TTC28: variants seen among roughly 807,000 people sequenced by gnomAD.
The protein encoded by TTC28 is tetratricopeptide repeat protein 28.
A neutral mutation model predicts 198.0 loss-of-function variants in TTC28; 61 were observed. The ratio of observed to expected loss-of-function variants is 0.31; its 90% CI spans 0.25 to 0.38. The LOEUF is 0.38. Ranked by LOEUF, TTC28 falls within the 10% of genes least tolerant of loss-of-function variation. The probability of loss-of-function intolerance (pLI) is 1.00; values close to 1 mark genes in which losing one functional copy is unlikely to be tolerated. For synonymous variants in TTC28, 1,171 were observed against 1,297.8 expected (o/e 0.90, Z 2.10); for missense variants, 2,678 against 3,164.0 (o/e 0.85, Z 3.69).
At chr22:28,345,223 T>A (rs2045886778) in intron 2 of TTC28, among the ~76,000 whole-genome samples, 2 of 152,096 alleles carry the variant, frequency 1.3e-5, no homozygotes, top group Admixed American at 1.3e-4. Context: ...CAGCCGCAAA[T>A]ATTTGGAACC....
At position 28,274,935 on chromosome 22, in the gene TTC28, C is replaced by T. The variant is rs149679557; in HGVS notation, c.933+21263G>A. On this transcript the variant is annotated intron_variant, in intron 5 of 22. Coordinates refer to ENST00000397906, the MANE Select transcript of TTC28 (RefSeq NM_001145418.2). Reference sequence around the variant, plus strand: ...TGGAGGTTGCAGTGAGCTGAGATCGCGCCACTGCACTCCAGCCTGGGCAAC... The same window carrying T: ...TGGAGGTTGCAGTGAGCTGAGATCGTGCCACTGCACTCCAGCCTGGGCAAC... 1.1e-3 allele frequency among the ~76,000 whole-genome samples: 154 copies of T among 144,406 alleles called. 2 individuals carry two copies. Among genetic ancestry groups the T allele is most frequent in the African/African-American group, 3.7e-3 (143 of 38,582 alleles). The allele number at this position is 144,406 out of a possible 152,430, so 94.7% of individuals were successfully genotyped here.
intron 13 of TTC28, among the ~76,000 whole-genome samples, chr22:28,021,433 C>T (rs1601525630): frequency 6.6e-6 from 1 of 152,214 alleles, no homozygotes; most frequent in Non-Finnish European, 1.5e-5. Context: ...CATGAAGGGG[C>T]GACCTGAGGG....
chr22:28,597,263 T>C (rs933159510), intron 2 of TTC28, among the ~76,000 whole-genome samples: 1 of 152,228 alleles, frequency 6.6e-6, no homozygotes, highest in Non-Finnish European at 1.5e-5. Flanking sequence ...ATATTAACAT[T>C]GTTTTGCAAC....
intron 5 of TTC28, among the ~76,000 whole-genome samples, chr22:28,181,879 C>A (rs181420674): frequency 6.6e-6 from 1 of 152,212 alleles, no homozygotes; most frequent in East Asian, 1.9e-4. Context: ...CAAAAACAAA[C>A]AAACAAACAA....
At chr22:28,282,818 T>C (rs1447010786) in intron 5 of TTC28, among the ~76,000 whole-genome samples, 1 of 152,140 alleles carries the variant, frequency 6.6e-6, no homozygotes, top group Non-Finnish European at 1.5e-5. Context: ...GATGGAGTGA[T>C]GATAAAGTAG....
intron 5 of TTC28, among the ~76,000 whole-genome samples, chr22:28,204,243 G>A (rs1301813404): frequency 6.6e-6 from 1 of 152,038 alleles, no homozygotes; most frequent in Non-Finnish European, 1.5e-5. Context: ...ACTTAGAACT[G>A]AACTCAACAA....
At chr22:28,405,634 C>G (rs1469405174) in intron 2 of TTC28, among the ~76,000 whole-genome samples, 2 of 152,192 alleles carry the variant, frequency 1.3e-5, no homozygotes, top group African/African-American at 4.8e-5. Flanking sequence ...CTGTGAATTT[C>G]TCTGGGAAGC....
chr22:28,150,052 A>G (rs1943571175), intron 6 of TTC28, among the ~76,000 whole-genome samples: 1 of 152,240 alleles, frequency 6.6e-6, no homozygotes, highest in Non-Finnish European at 1.5e-5. Context: ...AAAAGAAAAA[A>G]GAAAGGCATA....
chr22:28,428,066 A>G (rs1455842467), intron 2 of TTC28, among the ~76,000 whole-genome samples: 1 of 152,114 alleles, frequency 6.6e-6, no homozygotes, highest in Admixed American at 6.5e-5. Context: ...ATATAGGTAT[A>G]ATACTCAAAA....
In TTC28 at chr22:28,101,192, G is replaced by A. The variant is rs1569138958; in HGVS notation, c.3396C>T (p.Asn1132=). ...GLGLSLWASG[N]LEEAQHQLYR... is the part of the protein sequence containing the mutation. ...TTACCTGGTGTTGGGCCTCCTCCAA[G>A]TTTCCACTAGCCCAAAGGGAGAGGC... Residue 1132 remains asparagine, a synonymous_variant, in exon 9 of 23, where the codon AAC becomes AAT. Transcript: ENST00000397906. The A allele has an allele frequency of 6.4e-7, 1 of 1,551,338 alleles. No individual in the cohort carries two copies.
At chr22:28,256,242 C>A (rs1430729471) in intron 5 of TTC28, among the ~76,000 whole-genome samples, 1 of 151,360 alleles carries the variant, frequency 6.6e-6, no homozygotes, top group African/African-American at 2.4e-5. Flanking sequence ...GACAACAAAG[C>A]GAAACCCCGT....
chr22:28,326,208 C>T (rs1464075732), intron 2 of TTC28, among the ~76,000 whole-genome samples: 1 of 152,036 alleles, frequency 6.6e-6, no homozygotes, highest in Non-Finnish European at 1.5e-5. Context: ...AGGGATTATG[C>T]TGAGTAAAAG....
chr22:28,379,980 T>C (rs919191643), intron 2 of TTC28, among the ~76,000 whole-genome samples: 1 of 151,812 alleles, frequency 6.6e-6, no homozygotes, highest in African/African-American at 2.4e-5. Context: ...ACGGGAAAAC[T>C]AGAGAAATTT....
intron 12 of TTC28, among the ~76,000 whole-genome samples, chr22:28,040,054 G>C (rs556344124): frequency 2.0e-5 from 3 of 152,142 alleles, no homozygotes; most frequent in Non-Finnish European, 4.4e-5. Context: ...TTGAATCCCT[G>C]AATAGACCAA....
chr22:28,568,576 C>G (rs569915819), intron 2 of TTC28, among the ~76,000 whole-genome samples: 2 of 152,024 alleles, frequency 1.3e-5, no homozygotes, highest in Non-Finnish European at 2.9e-5. Context: ...AATGTCCTAG[C>G]TAAGAGCCAA....
chr22:28,613,566 C>A (rs1316061581), intron 2 of TTC28, among the ~76,000 whole-genome samples: 1 of 152,318 alleles, frequency 6.6e-6, no homozygotes, highest in African/African-American at 2.4e-5. Context: ...TACTGGCAAA[C>A]CAAATCCAGC....
intron 2 of TTC28, among the ~76,000 whole-genome samples, chr22:28,424,883 A>G (rs16986405): frequency 0.016 from 2,435 of 152,304 alleles, 87 homozygotes; most frequent in African/African-American, 0.056. Context: ...TTGTTTAGGC[A>G]TTGTAGAGAC....
intron 13 of TTC28, among the ~76,000 whole-genome samples, chr22:28,023,588 G>GA (rs1219319618): frequency 6.6e-6 from 1 of 152,236 alleles, no homozygotes; most frequent in African/African-American, 2.4e-5. Context: ...GCCTGTCCCT[G>GA]AAAACAAACC....
At chr22:28,148,977 T>C (rs1943542637) in intron 6 of TTC28, among the ~76,000 whole-genome samples, 1 of 152,210 alleles carries the variant, frequency 6.6e-6, no homozygotes, top group African/African-American at 2.4e-5. Flanking sequence ...ATTCAAGACA[T>C]ACACAGTAAT....
Sources: gnomAD v4.1 joint callset for allele counts (sites outside exome capture counted in the v4.1 genomes callset) on GRCh38, gnomAD v4.1.1 for gene constraint, MANE v1.5 for transcripts, NCBI Gene and HGNC (gene_info 2026-07-23, HGNC 2026-07-21) for gene names.